The following ERLIN1 variants were observed in gnomAD, a reference collection of about 807,000 sequenced individuals.
ERLIN1 encodes the protein erlin-1.
A neutral mutation model predicts 46.9 loss-of-function variants in ERLIN1; 24 were observed. That is an observed-to-expected ratio of 0.51 (90% CI 0.37 to 0.72). ERLIN1 has a LOEUF of 0.72. ERLIN1 is among the 30% of genes least tolerant of loss of function. The pLI, the probability that ERLIN1 is intolerant of heterozygous loss-of-function variation, is 0.00. For missense variants in ERLIN1, 293 were observed against 417.9 expected, an observed-to-expected ratio of 0.70 and a Z score of 2.61; for synonymous variants, 158 against 143.2, an observed-to-expected ratio of 1.10 and a Z score of -0.74.
rs755659573 is a variant in ERLIN1, at chr10:100,152,300, G to T, written c.878C>A (p.Ser293Tyr). The T allele has an allele frequency of 4.3e-5, 69 of 1,613,680 alleles. No homozygotes were observed. Among genetic ancestry groups the T allele is most frequent in the Middle Eastern group, 3.3e-4 (2 of 6,084 alleles). Residue 293 changes from serine (S) to tyrosine (Y), a missense_variant, in exon 11 of 11, where the codon TCT becomes TAT. By Grantham distance (144) the Ser-to-Tyr change is moderately radical. Transcript: ENST00000421367. ...LELKKYQAIASNSKIYFGSNI... is the reference protein window; with the variant it reads ...LELKKYQAIAYNSKIYFGSNI... ...GCTGCCAAAATAGATCTTACTGTTA[G>T]AAGCAATGGCCTGGTACTTTTTGAG...
chr10:100,163,277 T>C (rs1284028220), intron 8 of ERLIN1, among the ~76,000 whole-genome samples: 1 of 151,064 alleles, frequency 6.6e-6, no homozygotes, highest in Non-Finnish European at 1.5e-5. Context: ...AGAAAGGATA[T>C]ACATCAACTT....
At chr10:100,155,794 G>A (rs543459425) in intron 9 of ERLIN1, among the ~76,000 whole-genome samples, 145 of 152,326 alleles carry the variant, frequency 9.5e-4, no homozygotes, top group Non-Finnish European at 1.6e-3. Context: ...GATTACAGGC[G>A]TGAGCCACGG....
chr10:100,182,642 A>C (rs1295647888), intron 2 of ERLIN1, among the ~76,000 whole-genome samples: 1 of 152,262 alleles, frequency 6.6e-6, no homozygotes, highest in Non-Finnish European at 1.5e-5. Context: ...CTGGAAAGAA[A>C]ACACATAAAA....
In ERLIN1 at chr10:100,156,237, A is replaced by G. The variant is rs372077783; in HGVS notation, c.656-3T>C. The G allele has an allele frequency of 7.5e-6, 12 of 1,598,860 alleles. No homozygotes were observed. The African/African-American group carries it at 1.3e-4, about 18-fold the overall frequency. On this transcript the variant is annotated splice_polypyrimidine_tract_variant and splice_region_variant and intron_variant, in intron 8 of 10. Coordinates refer to ENST00000421367, the MANE Select transcript of ERLIN1 (RefSeq NM_006459.4). ...CACTTGTGCAATCTTCTCTGCTTCT[A>G]TAATCATACAACATAAGAAGACACA...
At chr10:100,183,505 C>A (rs1844780199) in intron 2 of ERLIN1, among the ~76,000 whole-genome samples, 1 of 152,178 alleles carries the variant, frequency 6.6e-6, no homozygotes, top group Non-Finnish European at 1.5e-5. Context: ...TTGCTATATA[C>A]CACGATATAG....
chr10:100,175,761 T>C (rs896498671), intron 5 of ERLIN1, among the ~76,000 whole-genome samples, 184 bp downstream of exon 5: 6 of 152,120 alleles, frequency 3.9e-5, no homozygotes, highest in Non-Finnish European at 7.4e-5. Context: ...GTTTTTCCAA[T>C]CTCTAACAAG....
Position 100,151,442 on chromosome 10 carries a change from G to A in ERLIN1, c.*689C>T, listed in dbSNP as rs548409626. Reference sequence around the variant, plus strand: ...TCATCTCACCCCAACTTCAAACCAAGCCCTCTGTATCTCTGAGTTTATGAA... The same window carrying A: ...TCATCTCACCCCAACTTCAAACCAAACCCTCTGTATCTCTGAGTTTATGAA... On this transcript the variant is annotated 3_prime_UTR_variant, in exon 11 of 11. Coordinates refer to ENST00000421367, the MANE Select transcript of ERLIN1 (RefSeq NM_006459.4). The A allele has an allele frequency of 1.2e-4, 18 of 155,558 alleles. No individual in the cohort carries two copies. The highest frequency in any genetic ancestry group is 2.5e-4 in the Admixed American group (4 of 15,992). The allele number at this position is 155,558 out of a possible 1,614,324, so 9.6% of individuals were successfully genotyped here. A position where few individuals can be genotyped will look rare whatever the true frequency, so the allele number is the denominator to read the frequency against.
At chr10:100,174,733 C>G (rs748254881) in intron 5 of ERLIN1, among the ~76,000 whole-genome samples, 2 of 152,152 alleles carry the variant, frequency 1.3e-5, no homozygotes, top group East Asian at 3.9e-4. Flanking sequence ...TACTCAAATT[C>G]CCAAATAACT....
chr10:100,163,876 G>A lies in ERLIN1; in HGVS notation c.655+128C>T, dbSNP rs1056207076. On this transcript the variant is annotated intron_variant, in intron 8 of 10. Coordinates refer to ENST00000421367, the MANE Select transcript of ERLIN1 (RefSeq NM_006459.4). ...CTTTAGAACATCTGAATGTACAGTG[G>A]AGATTCCAGAATTCCCCACTACCTA... The A allele has an allele frequency of 4.7e-6, 3 of 633,562 alleles. No homozygotes were observed. In the African/African-American group the frequency reaches 5.5e-5, roughly 12 times the overall value. 39.2% of individuals were successfully genotyped at this position (633,562 alleles called of 1,614,324 possible).
At chr10:100,184,624 C>T (rs1844856195) in intron 1 of ERLIN1, among the ~76,000 whole-genome samples, 1 of 152,202 alleles carries the variant, frequency 6.6e-6, no homozygotes, top group African/African-American at 2.4e-5. Flanking sequence ...TTCTTTGAGT[C>T]ATTCCTTGAA....
Position 100,185,962 on chromosome 10 carries a change from C to A in ERLIN1, c.-336G>T, listed in dbSNP as rs1306857712. ...AGCCGACCCCTCGGCCGCGCCTCAC[C>A]GATCAGTGACGCATCGCCCCCGCCC... On this transcript the variant is annotated 5_prime_UTR_variant, in exon 1 of 11. Coordinates refer to ENST00000421367, the MANE Select transcript of ERLIN1 (RefSeq NM_006459.4). 2 of 461,602 alleles carry A rather than the reference C, an allele frequency of 4.3e-6. No individual in the cohort carries two copies. Among genetic ancestry groups the A allele is most frequent in the African/African-American group, 2.0e-5 (1 of 49,332 alleles). The allele number at this position is 461,602 out of a possible 1,614,324, so 28.6% of individuals were successfully genotyped here. A position where few individuals can be genotyped will look rare whatever the true frequency, so the allele number is the denominator to read the frequency against.
Position 100,183,768 on chromosome 10 carries a change from G to C in ERLIN1, c.183C>G (p.Phe61Leu). ...YHIMLPFITT[F>L]RSVQTTLQTD... ...AGGAATCACTCACCTGCACAGATCT[G>C]AACGTAGTAATGAAAGGCAACATGA... The change falls in exon 2 of 11, where the codon TTC (phenylalanine) becomes TTG (leucine). Residue 61 changes from phenylalanine (F) to leucine (L), a missense_variant. Around this residue, in one of 3 missense-constraint regions of ERLIN1, gnomAD observed 76 missense variants for 77.0 expected, o/e 0.99. Coordinates refer to ENST00000421367, the MANE Select transcript of ERLIN1 (RefSeq NM_006459.4). 4 of 1,612,234 alleles carry C rather than the reference G, an allele frequency of 2.5e-6. No individual in the cohort carries two copies. The highest frequency in any genetic ancestry group is 3.4e-6 in the Non-Finnish European group (4 of 1,178,434).
intron 5 of ERLIN1, among the ~76,000 whole-genome samples, chr10:100,174,767 GC>G (rs1844195292): frequency 6.6e-6 from 1 of 152,082 alleles, no homozygotes; most frequent in Non-Finnish European, 1.5e-5. Flanking sequence ...ATGGATCTCA[GC>G]CTCACTGTTA....
chr10:100,179,288 A>G, intron 2 of ERLIN1, 41 bp from the exon 3 acceptor site: 1 of 1,470,870 alleles, frequency 6.8e-7, no homozygotes, highest in Non-Finnish European at 9.4e-7. Context: ...CAAGACACAC[A>G]TTGTCAAAAA....
At chr10:100,154,077 CA>C (rs1461806567) in intron 10 of ERLIN1, among the ~76,000 whole-genome samples, 2 of 152,178 alleles carry the variant, frequency 1.3e-5, no homozygotes, top group Non-Finnish European at 2.9e-5. Flanking sequence ...ATCTCTTTCT[CA>C]ACCCTTTATC....
At position 100,150,532 on chromosome 10, in the gene ERLIN1, T is replaced by G. The variant is rs1283337738; in HGVS notation, c.*1599A>C. On this transcript the variant is annotated 3_prime_UTR_variant, in exon 11 of 11. Transcript: ENST00000421367. ...CATTTATAAAGAGAATTTATAGAAT[T>G]AAATGAGCAAAAATGAAAAATTATT... is the stretch of plus-strand genomic sequence containing the variant. 6.6e-6 allele frequency: 1 copy of G among 152,660 alleles called. No homozygotes were observed. Among genetic ancestry groups the G allele is most frequent in the East Asian group, 1.9e-4 (1 of 5,204 alleles). The allele number at this position is 152,660 out of a possible 1,614,324, so 9.5% of individuals were successfully genotyped here.
intron 6 of ERLIN1, among the ~76,000 whole-genome samples, chr10:100,170,803 G>T (rs565447071): frequency 2.0e-5 from 3 of 152,180 alleles, no homozygotes; most frequent in Non-Finnish European, 4.4e-5. Flanking sequence ...GAGAAAATTC[G>T]ATTTGATGAG....
intron 3 of ERLIN1, 39 bp downstream of exon 3, chr10:100,179,162 T>C: frequency 1.3e-6 from 2 of 1,509,130 alleles, no homozygotes; most frequent in Non-Finnish European, 1.8e-6. Context: ...AAACTCTGTC[T>C]GAGCTAAAGG....
At chr10:100,164,553 T>C (rs534829584) in intron 7 of ERLIN1, among the ~76,000 whole-genome samples, 5 of 152,328 alleles carry the variant, frequency 3.3e-5, no homozygotes, top group African/African-American at 1.2e-4. Context: ...TGGGCACCCA[T>C]GTGCAGTGAC....
Sources: gnomAD v4.1 joint callset for allele counts (sites outside exome capture counted in the v4.1 genomes callset) on GRCh38, gnomAD v4.1.1 for gene constraint, gnomAD v4.1.1 regional missense constraint, MANE v1.5 for transcripts, NCBI Gene and HGNC (gene_info 2026-07-23, HGNC 2026-07-21) for gene names.